Variants in DACH1 observed in about 807,000 individuals in gnomAD.
DACH1 encodes the protein dachshund family transcription factor 1, also known as dachshund homolog 1.
In DACH1, 12 loss-of-function variants were observed where a neutral mutation model predicts 54.2. That is an observed-to-expected ratio of 0.22 (90% confidence interval 0.14 to 0.36). The LOEUF is 0.36. Ranked by LOEUF, DACH1 falls within the 10% of genes least tolerant of loss-of-function variation. The pLI is 1.00. For missense variants in DACH1, 805 were observed against 929.8 expected, an observed-to-expected ratio of 0.87 and a Z score of 1.75; for synonymous variants, 386 against 366.2, an observed-to-expected ratio of 1.05 and a Z score of -0.62.
chr13:71,830,298 C>T (rs926353707), intron 1 of DACH1, among the ~76,000 whole-genome samples: 1 of 151,824 alleles, frequency 6.6e-6, no homozygotes, highest in Non-Finnish European at 1.5e-5. Context: ...AAATTGAGTA[C>T]TATTGTTCTG....
intron 1 of DACH1, among the ~76,000 whole-genome samples, chr13:71,816,083 TC>T (rs1887910543): frequency 1.4e-5 from 2 of 147,992 alleles, no homozygotes; most frequent in African/African-American, 2.6e-5. Flanking sequence ...AGACTCCGTC[TC>T]CAAAAAAAAA....
At chr13:71,691,729 A>C (rs552189761) in intron 1 of DACH1, among the ~76,000 whole-genome samples, 1 of 152,368 alleles carries the variant, frequency 6.6e-6, no homozygotes, top group Admixed American at 6.5e-5. Context: ...TTAATTGAAC[A>C]TGTCCATGTG....
chr13:71,563,028 T>G (rs1221491201), intron 4 of DACH1, among the ~76,000 whole-genome samples: 2 of 152,074 alleles, frequency 1.3e-5, no homozygotes, highest in African/African-American at 4.8e-5. Context: ...AGAGATATAC[T>G]CTTAAAGTCT....
At chr13:71,643,962 T>G (rs931103139) in intron 2 of DACH1, among the ~76,000 whole-genome samples, 8 of 152,168 alleles carry the variant, frequency 5.3e-5, no homozygotes, top group Admixed American at 4.6e-4. Flanking sequence ...GAGGTCAGCT[T>G]TGAACAATAT....
chr13:71,496,292 TATATATATATATATAC>T (rs1483439108), intron 6 of DACH1, among the ~76,000 whole-genome samples: 9 of 121,450 alleles, frequency 7.4e-5, no homozygotes, highest in African/African-American at 1.8e-4. Flanking sequence ...TATATATATA[TATATATATATATATAC>T]ACACACAAAA....
chr13:71,613,955 C>A (rs73215213), intron 3 of DACH1, among the ~76,000 whole-genome samples: 1 of 151,960 alleles, frequency 6.6e-6, no homozygotes, highest in South Asian at 2.1e-4. Context: ...CAAAAAGTAC[C>A]GGGATTACAG....
At position 71,580,802 on chromosome 13, in the gene DACH1, C is replaced by A. The variant is rs956721525; in HGVS notation, c.1127-7790G>T. On this transcript the variant is annotated intron_variant, in intron 3 of 10. Coordinates refer to ENST00000613252, the MANE Select transcript of DACH1 (RefSeq NM_080759.6). ...CTTTATCTGCTCATCTCTTCCTGTGCACCAGCAGCGCCCAACTCCTTTTTC... is the reference window on the plus strand; with the variant it reads ...CTTTATCTGCTCATCTCTTCCTGTGAACCAGCAGCGCCCAACTCCTTTTTC... Among the ~76,000 whole-genome samples the A allele has an allele frequency of 7.9e-5, 12 of 152,132 alleles. No individual in the cohort carries two copies. In the East Asian group the frequency reaches 2.1e-3, roughly 27 times the overall value.
At chr13:71,679,954 A>AC in intron 2 of DACH1, among the ~76,000 whole-genome samples, 1 of 152,074 alleles carries the variant, frequency 6.6e-6, no homozygotes. Flanking sequence ...AAAAAAAAAA[A>AC]AAAAAACGGA....
intron 1 of DACH1, among the ~76,000 whole-genome samples, chr13:71,845,827 T>C (rs1873203163): frequency 6.6e-6 from 1 of 152,202 alleles, no homozygotes; most frequent in African/African-American, 2.4e-5. Context: ...CAATTTTAAA[T>C]TTTATCTTAT....
At position 71,556,220 on chromosome 13, in the gene DACH1, A is replaced by G. The variant is rs187443201; in HGVS notation, c.1570+804T>C. Reference sequence around the variant, plus strand: ...AATTGTGCCCCTTTTATGTTTTCCAAAGAAATACCCTTATTCACAACACTG... The same window carrying G: ...AATTGTGCCCCTTTTATGTTTTCCAGAGAAATACCCTTATTCACAACACTG... On this transcript the variant is annotated intron_variant, in intron 6 of 10. Coordinates refer to ENST00000613252, the MANE Select transcript of DACH1 (RefSeq NM_080759.6). 8.3e-4 allele frequency among the ~76,000 whole-genome samples: 126 copies of G among 152,270 alleles called. 1 individual carries two copies. In the South Asian group the frequency reaches 0.017, roughly 21 times the overall value.
At chr13:71,527,624 G>A (rs1376949188) in intron 6 of DACH1, among the ~76,000 whole-genome samples, 2 of 152,164 alleles carry the variant, frequency 1.3e-5, no homozygotes, top group Admixed American at 1.3e-4. Flanking sequence ...AGGGATATGA[G>A]CACAGAGTCT....
chr13:71,468,077 A>G (rs2138155200), intron 10 of DACH1, among the ~76,000 whole-genome samples: 1 of 152,316 alleles, frequency 6.6e-6, no homozygotes, highest in South Asian at 2.1e-4. Flanking sequence ...GTTAGGTAAC[A>G]TTAAAAAGTT....
chr13:71,483,991 A>G (rs1047423224), intron 7 of DACH1, among the ~76,000 whole-genome samples: 1 of 152,126 alleles, frequency 6.6e-6, no homozygotes, highest in African/African-American at 2.4e-5. Context: ...CATTTCTCAG[A>G]ATGTATCCCC....
intron 10 of DACH1, among the ~76,000 whole-genome samples, chr13:71,472,283 G>T (rs1877150678): frequency 6.6e-6 from 1 of 152,118 alleles, no homozygotes; most frequent in South Asian, 2.1e-4. Context: ...ATTATTTAGG[G>T]CTTCTTTCTT....
intron 3 of DACH1, among the ~76,000 whole-genome samples, chr13:71,594,650 T>C (rs1002150184): frequency 2.6e-5 from 4 of 152,142 alleles, no homozygotes; most frequent in Non-Finnish European, 4.4e-5. Context: ...TCATCATCAC[T>C]TTTTCAGTGC....
At chr13:71,524,525 T>C (rs1881821716) in intron 6 of DACH1, among the ~76,000 whole-genome samples, 1 of 152,126 alleles carries the variant, frequency 6.6e-6, no homozygotes, top group Non-Finnish European at 1.5e-5. Context: ...CTAAGTTAAA[T>C]AAGGAAAACT....
At chr13:71,503,373 A>G (rs1256191141) in intron 6 of DACH1, among the ~76,000 whole-genome samples, 2 of 152,186 alleles carry the variant, frequency 1.3e-5, no homozygotes, top group African/African-American at 4.8e-5. Flanking sequence ...TATTTTCAAA[A>G]CTAGTTAATT....
intron 3 of DACH1, among the ~76,000 whole-genome samples, chr13:71,613,062 A>G (rs1028172081): frequency 6.6e-6 from 1 of 152,238 alleles, no homozygotes; most frequent in African/African-American, 2.4e-5. Context: ...TAGATTGTGC[A>G]AAGTGCAACA....
intron 2 of DACH1, among the ~76,000 whole-genome samples, chr13:71,668,345 C>T (rs978094988): frequency 1.3e-5 from 2 of 151,846 alleles, no homozygotes; most frequent in Non-Finnish European, 2.9e-5. Flanking sequence ...TCCTTACATC[C>T]CAGGAAGTAA....
Sources: gnomAD v4.1 joint callset for allele counts (sites outside exome capture counted in the v4.1 genomes callset) on GRCh38, gnomAD v4.1.1 for gene constraint, MANE v1.5 for transcripts, NCBI Gene and HGNC (gene_info 2026-07-23, HGNC 2026-07-21) for gene names.